The following HDGF variants were observed in gnomAD, a reference collection of about 807,000 sequenced individuals.
HDGF encodes hepatoma-derived growth factor.
HDGF carries 5 observed loss-of-function variants against 30.0 expected under a neutral mutation model. That is an observed-to-expected ratio of 0.17 (90% CI 0.09 to 0.35). HDGF has a LOEUF of 0.35. HDGF is among the 10% of genes least tolerant of loss of function. The pLI is 1.00. For synonymous variants in HDGF, 133 were observed against 112.7 expected, an observed-to-expected ratio of 1.18 and a Z score of -1.14; for missense variants, 214 against 302.8, an observed-to-expected ratio of 0.71 and a Z score of 2.18.
In HDGF at chr1:156,743,732, T is replaced by C. The variant is rs1013792445; in HGVS notation, c.636A>G (p.Gln212=). ...SEPGSGRGPP[Q]EEEEEEDEEE... ...CTTCATCCTCCTCCTCTTCTTCCTC[T>C]TGGGGAGGCCCCCGGCCAGAGCCGG... The change falls in exon 5 of 6, where the codon CAA becomes CAG. Residue 212 remains glutamine, a synonymous_variant. Transcript: ENST00000357325. 1.2e-6 allele frequency: 2 copies of C among 1,602,764 alleles called. No homozygotes were observed. Among genetic ancestry groups the C allele is most frequent in the African/African-American group, 1.3e-5 (1 of 74,360 alleles).
At chr1:156,758,247 G>A (rs1256061280) in intron 2 of HDGF, among the ~76,000 whole-genome samples, 3 of 151,278 alleles carry the variant, frequency 2.0e-5, no homozygotes, top group Non-Finnish European at 2.9e-5. Flanking sequence ...GCAGTGAGCC[G>A]AGATTGCGCC....
intron 1 of HDGF, among the ~76,000 whole-genome samples, chr1:156,759,770 G>A (rs1181682804): frequency 1.3e-5 from 2 of 152,096 alleles, no homozygotes; most frequent in Non-Finnish European, 2.9e-5. Context: ...ATGAGCCACC[G>A]TGCCCAGTCA....
intron 1 of HDGF, among the ~76,000 whole-genome samples, chr1:156,759,650 T>G (rs529039189): frequency 6.6e-6 from 1 of 152,040 alleles, no homozygotes; most frequent in Non-Finnish European, 1.5e-5. Context: ...CCCGGCTCAT[T>G]TTTGTATTTT....
intron 1 of HDGF, 80 bp from the exon 2 acceptor site, chr1:156,745,453 C>G: frequency 8.3e-7 from 1 of 1,211,468 alleles, no homozygotes. Context: ...CTCCAAGGCA[C>G]ATTTATATAA....
rs948723464 is a variant in HDGF at position 156,751,277 on chromosome 1, G to A, written c.87+66C>T. 20 of 1,559,022 alleles carry A rather than the reference G, an allele frequency of 1.3e-5. No individual in the cohort carries two copies. Among genetic ancestry groups the A allele is most frequent in the African/African-American group, 2.8e-5 (2 of 72,002 alleles). On this transcript the variant is annotated intron_variant, in intron 1 of 5. Transcript: ENST00000357325. This position sits in a 1 kb window ranked among gnomAD's most constrained non-coding sequence, Gnocchi z 4.7. The stretch of plus-strand genomic sequence containing the variant: ...TGCCCGCTCCGCGCGGAGCGCTCGT[G>A]CCCTTCCCGGTGTTATGCAACCCAA...
chr1:156,765,602 G>A (rs11587467), intron 1 of HDGF, among the ~76,000 whole-genome samples: 40,605 of 148,822 alleles, frequency 0.27, 5,577 homozygotes, highest in Middle Eastern at 0.34. Flanking sequence ...AGCCTCACGA[G>A]TAGCTGAGCT....
At position 156,759,627 on chromosome 1, in the gene HDGF, G is replaced by A. The variant is rs559408606; in HGVS notation, n.137-408C>T. ...CTCCTGAGTAGCTGGAATTACAGGCGCACGCCACCATGCCCGGCTCATTTT... is the reference window on the plus strand; with the variant it reads ...CTCCTGAGTAGCTGGAATTACAGGCACACGCCACCATGCCCGGCTCATTTT... On this transcript the variant is annotated intron_variant and non_coding_transcript_variant, in intron 1 of 7. Coordinates refer to the HDGF transcript ENST00000465180. Among the ~76,000 whole-genome samples, 7 of 152,050 alleles carry A rather than the reference G, an allele frequency of 4.6e-5. No homozygotes were observed. In the East Asian group the frequency reaches 5.8e-4, roughly 13 times the overall value.
chr1:156,747,322 A>C (rs1292733472), intron 1 of HDGF: 2 of 129,338 alleles, frequency 1.5e-5, no homozygotes, highest in African/African-American at 5.8e-5. Context: ...CCCACCCCCA[A>C]GCCTGCAGTC....
chr1:156,767,334 C>T (rs1167170240), upstream of HDGF, among the ~76,000 whole-genome samples: 2 of 152,170 alleles, frequency 1.3e-5, no homozygotes, highest in Non-Finnish European at 2.9e-5. Flanking sequence ...AAAAAAACTA[C>T]TCACCCCAGG....
At chr1:156,754,426 G>C (rs1651121923), upstream of HDGF, among the ~76,000 whole-genome samples, 1 of 152,184 alleles carries the variant, frequency 6.6e-6, no homozygotes, top group African/African-American at 2.4e-5. Context: ...GGTTCCTTTT[G>C]TTGCAGTAAT....
At chr1:156,761,669 C>T (rs183251782) in intron 1 of HDGF, among the ~76,000 whole-genome samples, 239 of 151,082 alleles carry the variant, frequency 1.6e-3, no homozygotes, top group Non-Finnish European at 2.4e-3. Flanking sequence ...TAAAAAAGGC[C>T]GGGCATGGTG....
Position 156,751,034 on chromosome 1 carries a change from T to C in HDGF, c.87+309A>G, listed in dbSNP as rs1650937095. Among the ~76,000 whole-genome samples the C allele has an allele frequency of 7.4e-6, 1 of 135,216 alleles. No individual in the cohort carries two copies. The highest frequency in any genetic ancestry group is 7.2e-5 in the Admixed American group (1 of 13,910). The allele number at this position is 135,216 out of a possible 152,430, so 88.7% of individuals were successfully genotyped here. ...TTCGCGCTCGAAACCTCTGGGAGTA[T>C]GGGGGCTGGGGGCGGAACTGAGCAC... On this transcript the variant is annotated intron_variant, in intron 1 of 5. Coordinates refer to ENST00000357325, the MANE Select transcript of HDGF (RefSeq NM_004494.3). This position sits in a 1 kb window ranked among gnomAD's most constrained non-coding sequence, Gnocchi z 4.7.
chr1:156,754,690 TC>T (rs753438285), upstream of HDGF, among the ~76,000 whole-genome samples: 16 of 152,176 alleles, frequency 1.1e-4, no homozygotes, highest in Non-Finnish European at 2.1e-4. Context: ...ACGCCTGTAA[TC>T]CCAGCACTTC....
At chr1:156,763,490 A>T (rs892757051) in intron 1 of HDGF, among the ~76,000 whole-genome samples, 2 of 151,978 alleles carry the variant, frequency 1.3e-5, no homozygotes, top group African/African-American at 4.8e-5. Context: ...CTGGGATTAG[A>T]GGTGTGAGCC....
chr1:156,763,453 A>T (rs1651294452), intron 1 of HDGF, among the ~76,000 whole-genome samples: 1 of 151,340 alleles, frequency 6.6e-6, no homozygotes, highest in Non-Finnish European at 1.5e-5. Flanking sequence ...TGACCTTGGG[A>T]TCCACCCGCC....
chr1:156,754,019 G>A (rs1046722327), upstream of HDGF, among the ~76,000 whole-genome samples: 1 of 151,678 alleles, frequency 6.6e-6, no homozygotes, highest in Non-Finnish European at 1.5e-5. Flanking sequence ...AGGATCAAGC[G>A]ATTCTCCTGC....
At chr1:156,754,271 A>T (rs77167382), upstream of HDGF, among the ~76,000 whole-genome samples, 33 of 152,358 alleles carry the variant, frequency 2.2e-4, no homozygotes, top group East Asian at 6.2e-3. Context: ...GTAAAAAGCA[A>T]GAGCCCTTCC....
chr1:156,751,608 G>C lies in HDGF; in HGVS notation c.-179C>G. The C allele has an allele frequency of 4.1e-6, 4 of 984,242 alleles. No homozygotes were observed. Among genetic ancestry groups the C allele is most frequent in the Non-Finnish European group, 4.8e-6 (4 of 830,010 alleles). 61.0% of individuals were successfully genotyped at this position (984,242 alleles called of 1,614,324 possible). On this transcript the variant is annotated 5_prime_UTR_variant, in exon 1 of 6. Coordinates refer to ENST00000357325, the MANE Select transcript of HDGF (RefSeq NM_004494.3). The surrounding 1 kb of genome is among the most constrained non-coding windows in gnomAD (Gnocchi z 4.7). ...GTCTCCGCCCGCGCGCCGCACGGAC[G>C]GGGCGGGCGCGGATCGGGGCAAGGC...
chr1:156,756,181 G>A (rs1352224952), upstream of HDGF, among the ~76,000 whole-genome samples: 2 of 152,184 alleles, frequency 1.3e-5, no homozygotes, highest in African/African-American at 4.8e-5. Flanking sequence ...GAACCCAGGA[G>A]GTGGAGATTG....
Sources: allele counts gnomAD v4.1 joint callset (sites outside exome capture counted in the v4.1 genomes callset), GRCh38; gene constraint gnomAD v4.1.1; non-coding constraint Gnocchi (gnomAD v3.1); transcripts MANE v1.5; gene names NCBI Gene and HGNC (gene_info 2026-07-23, HGNC 2026-07-21).